The following NEGR1 variants were observed in gnomAD, a reference collection of about 807,000 sequenced individuals.
NEGR1 encodes IgLON family member 4.
A neutral mutation model predicts 40.9 loss-of-function variants in NEGR1; 10 were observed. That is an observed-to-expected ratio of 0.24 (90% CI 0.15 to 0.42). NEGR1 has a LOEUF of 0.42. Ranked by LOEUF, NEGR1 falls within the 10% of genes least tolerant of loss-of-function variation. NEGR1 has a pLI of 1.00. For synonymous variants in NEGR1, 185 were observed against 166.8 expected, an observed-to-expected ratio of 1.11 and a Z score of -0.84; for missense variants, 352 against 438.9, an observed-to-expected ratio of 0.80 and a Z score of 1.77.
chr1:71,710,182 C>A (rs1423263877), intron 3 of NEGR1, among the ~76,000 whole-genome samples: 1 of 152,162 alleles, frequency 6.6e-6, no homozygotes, highest in Admixed American at 6.5e-5. Context: ...ATCAAACCTA[C>A]TGTTATTACA....
At chr1:71,999,337 C>G (rs1646533986) in intron 1 of NEGR1, among the ~76,000 whole-genome samples, 2 of 151,678 alleles carry the variant, frequency 1.3e-5, no homozygotes, top group African/African-American at 4.8e-5. Flanking sequence ...ACTATTAGTT[C>G]CCACAGACAG....
intron 6 of NEGR1, among the ~76,000 whole-genome samples, chr1:71,533,356 G>A (rs1405844084): frequency 6.6e-6 from 1 of 151,540 alleles, no homozygotes; most frequent in African/African-American, 2.4e-5. Flanking sequence ...AAAAATCATT[G>A]ATAAAGCTCA....
chr1:72,207,363 T>A (rs116451760), intron 1 of NEGR1, among the ~76,000 whole-genome samples: 2,246 of 151,706 alleles, frequency 0.015, 46 homozygotes, highest in African/African-American at 0.051. Flanking sequence ...AGTAAAGAAG[T>A]TTAGGGCAAT....
At chr1:72,276,697 G>A (rs1170447151) in intron 1 of NEGR1, among the ~76,000 whole-genome samples, 1 of 152,030 alleles carries the variant, frequency 6.6e-6, no homozygotes, top group Non-Finnish European at 1.5e-5. Context: ...ATTACATCCA[G>A]TGCTGGCGAG....
intron 3 of NEGR1, among the ~76,000 whole-genome samples, chr1:71,742,587 G>T (rs1655249822): frequency 6.7e-6 from 1 of 150,230 alleles, no homozygotes; most frequent in Non-Finnish European, 1.5e-5. Context: ...CTCACTTTTG[G>T]AATGAAAATG....
At chr1:71,610,713 A>G (rs1650223517) in intron 5 of NEGR1, among the ~76,000 whole-genome samples, 1 of 152,120 alleles carries the variant, frequency 6.6e-6, no homozygotes. Context: ...CACGTCCTTT[A>G]AGAGCTGGTT....
chr1:72,276,691 C>T (rs951047131), intron 1 of NEGR1, among the ~76,000 whole-genome samples: 2 of 152,190 alleles, frequency 1.3e-5, no homozygotes, highest in African/African-American at 4.8e-5. Context: ...AAAACTATTA[C>T]ATCCAGTGCT....
chr1:71,452,017 T>G (rs2101329868), intron 6 of NEGR1, among the ~76,000 whole-genome samples: 1 of 152,270 alleles, frequency 6.6e-6, no homozygotes, highest in Non-Finnish European at 1.5e-5. Flanking sequence ...ATGAACAAAA[T>G]TCCACTATAA....
At position 71,576,671 on chromosome 1, in the gene NEGR1, G is replaced by A. The variant is rs563468304; in HGVS notation, c.940+16146C>T. On this transcript the variant is annotated intron_variant, in intron 6 of 6. Transcript: ENST00000357731. The stretch of plus-strand genomic sequence containing the variant: ...CCACAATTTTAGGCAAAGAATACTA[G>A]CGAAGAACAAAATTTCTGACTTCCC... Among the ~76,000 whole-genome samples, 3 of 152,294 alleles carry A rather than the reference G, an allele frequency of 2.0e-5. No individual in the cohort carries two copies. In the South Asian group the frequency reaches 6.2e-4, roughly 32 times the overall value.
chr1:72,078,701 G>A (rs1238762222), intron 1 of NEGR1, among the ~76,000 whole-genome samples: 1 of 149,856 alleles, frequency 6.7e-6, no homozygotes, highest in Non-Finnish European at 1.5e-5. Flanking sequence ...GTGCAATGGC[G>A]TGATTTCGGC....
chr1:71,640,089 C>G (rs191763495), intron 4 of NEGR1, among the ~76,000 whole-genome samples: 2 of 152,116 alleles, frequency 1.3e-5, no homozygotes, highest in East Asian at 1.9e-4. Flanking sequence ...CTCTATTATT[C>G]TCTAAGAACT....
At chr1:71,773,612 T>C (rs998193441) in intron 3 of NEGR1, among the ~76,000 whole-genome samples, 1 of 152,168 alleles carries the variant, frequency 6.6e-6, no homozygotes, top group Non-Finnish European at 1.5e-5. Flanking sequence ...TTCCTTTAGG[T>C]GCTGTGAATT....
intron 4 of NEGR1, among the ~76,000 whole-genome samples, chr1:71,638,353 T>G (rs1310285277): frequency 6.6e-6 from 1 of 152,000 alleles, no homozygotes; most frequent in Non-Finnish European, 1.5e-5. Context: ...TTGAGCAAGT[T>G]CTCTAGCCTT....
intron 6 of NEGR1, among the ~76,000 whole-genome samples, chr1:71,510,652 C>T (rs1647066650): frequency 6.6e-6 from 1 of 152,068 alleles, no homozygotes; most frequent in South Asian, 2.1e-4. Context: ...TAGGTGACAT[C>T]CAGGAAGATT....
chr1:71,839,109 C>A (rs754073062), intron 2 of NEGR1, among the ~76,000 whole-genome samples: 6 of 149,640 alleles, frequency 4.0e-5, no homozygotes, highest in Non-Finnish European at 7.4e-5. Context: ...AGACACTCAT[C>A]CAATAGAAAG....
At chr1:71,872,145 T>G (rs550475160) in intron 2 of NEGR1, among the ~76,000 whole-genome samples, 1 of 152,304 alleles carries the variant, frequency 6.6e-6, no homozygotes, top group Non-Finnish European at 1.5e-5. Flanking sequence ...GTTTCTAAAT[T>G]AACCTTATGA....
chr1:71,425,474 A>G (rs535510665), intron 6 of NEGR1, among the ~76,000 whole-genome samples: 1 of 152,312 alleles, frequency 6.6e-6, no homozygotes, highest in East Asian at 1.9e-4. Context: ...GACTCCAAGG[A>G]GTCAGTGCTA....
chr1:71,716,591 A>T (rs751984640), intron 3 of NEGR1, among the ~76,000 whole-genome samples: 7 of 152,192 alleles, frequency 4.6e-5, no homozygotes, highest in Non-Finnish European at 8.8e-5. Context: ...TTGTGTTGTA[A>T]CAACACAATA....
intron 2 of NEGR1, among the ~76,000 whole-genome samples, chr1:71,825,581 A>T (rs1405137112): frequency 2.6e-5 from 4 of 151,944 alleles, no homozygotes; most frequent in African/African-American, 9.7e-5. Flanking sequence ...AATAAACAAG[A>T]CTAGATATTG....
Sources: gnomAD v4.1 joint callset for allele counts (sites outside exome capture counted in the v4.1 genomes callset) on GRCh38, gnomAD v4.1.1 for gene constraint, MANE v1.5 for transcripts, NCBI Gene and HGNC (gene_info 2026-07-23, HGNC 2026-07-21) for gene names.